The following FBXL13 variants were observed in gnomAD, a reference collection of about 807,000 sequenced individuals.
FBXL13 encodes F-box and leucine-rich repeat protein 13.
FBXL13 carries 67 observed loss-of-function variants against 83.6 expected under a neutral mutation model. That is an observed-to-expected ratio of 0.80 (90% CI 0.66 to 0.98). FBXL13 has a LOEUF of 0.98. FBXL13 is among the 50% of genes least tolerant of loss of function. The pLI is 0.00. For missense variants in FBXL13, 822 were observed against 866.5 expected (o/e 0.95, Z 0.64); for synonymous variants, 272 against 299.5 (o/e 0.91, Z 0.95).
Position 102,838,902 on chromosome 7 carries a change from G to A in FBXL13, c.1720-5928C>T, listed in dbSNP as rs552574617. Among the ~76,000 whole-genome samples the A allele has an allele frequency of 9.9e-5, 15 of 152,250 alleles. No individual in the cohort carries two copies. The East Asian group carries it at 2.3e-3, about 24-fold the overall frequency. ...GGCCTCGTGGGATGGCAAAGACCTC[G>A]TGGGATGGTCCCCCAGCCCGACACC... On this transcript the variant is annotated intron_variant, in intron 17 of 19. Transcript: ENST00000313221.
At chr7:102,905,109 T>C (rs546365441) in intron 11 of FBXL13, among the ~76,000 whole-genome samples, 7 of 151,386 alleles carry the variant, frequency 4.6e-5, no homozygotes, top group Admixed American at 4.0e-4. Context: ...AAGTGTTCTG[T>C]AAATATCTAT....
At chr7:102,923,402 G>C (rs1817473095) in intron 10 of FBXL13, among the ~76,000 whole-genome samples, 1 of 151,962 alleles carries the variant, frequency 6.6e-6, no homozygotes, top group South Asian at 2.1e-4. Context: ...CACACAGTTG[G>C]GAAAAAATGT....
At chr7:103,018,979 C>G (rs1488827767) in intron 6 of FBXL13, among the ~76,000 whole-genome samples, 3 of 151,250 alleles carry the variant, frequency 2.0e-5, no homozygotes, top group Admixed American at 6.6e-5. Context: ...AGACCTAATA[C>G]ACATCTACAG....
chr7:103,064,918 C>T (rs1284241588), intron 1 of FBXL13, among the ~76,000 whole-genome samples: 6 of 152,204 alleles, frequency 3.9e-5, no homozygotes, highest in Non-Finnish European at 7.3e-5. Context: ...TCCCAGCCAA[C>T]AGCCAGCACC....
Position 102,909,542 on chromosome 7 carries a change from A to G in FBXL13, c.1008+3544T>C, listed in dbSNP as rs118029824. The stretch of plus-strand genomic sequence containing the variant: ...CACAGAGGCTCACCCAAGGCCCTCA[A>G]TGTAGTAGCTGGGTATTGCTGCTAG... On this transcript the variant is annotated intron_variant, in intron 11 of 19. Coordinates refer to ENST00000313221, the Ensembl canonical transcript of FBXL13. 8.7e-3 allele frequency among the ~76,000 whole-genome samples: 1,311 copies of G among 151,436 alleles called. 6 individuals carry two copies. Among genetic ancestry groups the G allele is most frequent in the Non-Finnish European group, 0.013 (914 of 67,826 alleles).
exon 1 of FBXL13, chr7:103,074,269 T>C (rs987074540): frequency 9.0e-6 from 9 of 1,005,102 alleles, no homozygotes; most frequent in Non-Finnish European, 1.1e-5. Flanking sequence ...CAGCTCCTTA[T>C]CTTAGGTGAC....
intron 18 of FBXL13, chr7:102,827,237 G>A (rs1799893378): frequency 4.6e-6 from 2 of 432,020 alleles, no homozygotes; most frequent in African/African-American, 2.0e-5. Context: ...TGAAGCAGGA[G>A]GAAGCTGTCC....
In FBXL13 at chr7:103,019,598, G is replaced by C. The variant is rs931396018; in HGVS notation, c.495+5465C>G. ...ATAGCAAGACTCATAAAGAAGAAAAGAGGGAAGAATCAAATAGACACAATA... is the reference window on the plus strand; with the variant it reads ...ATAGCAAGACTCATAAAGAAGAAAACAGGGAAGAATCAAATAGACACAATA... On this transcript the variant is annotated intron_variant, in intron 6 of 19. Transcript: ENST00000313221. 2.0e-5 allele frequency among the ~76,000 whole-genome samples: 3 copies of C among 152,150 alleles called. 1 individual carries two copies. In the South Asian group the frequency reaches 6.2e-4, roughly 32 times the overall value.
chr7:102,966,970 GT>G (rs1354156299), intron 7 of FBXL13, among the ~76,000 whole-genome samples: 1 of 151,372 alleles, frequency 6.6e-6, no homozygotes, highest in Admixed American at 6.6e-5. Flanking sequence ...TCCTGTTTTG[GT>G]TTTTTTGTTT....
intron 6 of FBXL13, among the ~76,000 whole-genome samples, chr7:102,983,328 G>A (rs1341672104): frequency 2.0e-5 from 3 of 151,932 alleles, no homozygotes; most frequent in African/African-American, 2.4e-5. Context: ...AGACTCACCA[G>A]AAGTTAGAGG....
At chr7:102,826,961 T>C (rs1291619055) in intron 18 of FBXL13, 2 of 304,248 alleles carry the variant, frequency 6.6e-6, no homozygotes, top group Non-Finnish European at 7.2e-6. Context: ...TATTTTCATT[T>C]ATTTGTGAGA....
chr7:102,983,060 G>A (rs907557266), intron 6 of FBXL13, among the ~76,000 whole-genome samples: 1 of 151,914 alleles, frequency 6.6e-6, no homozygotes, highest in African/African-American at 2.4e-5. Flanking sequence ...CTTTCTCATG[G>A]GTCACATTTT....
intron 2 of FBXL13, among the ~76,000 whole-genome samples, chr7:103,053,297 C>T (rs937476378): frequency 7.2e-5 from 11 of 151,924 alleles, no homozygotes; most frequent in Non-Finnish European, 1.0e-4. Flanking sequence ...GGATTACAGG[C>T]ACCCGCCACC....
intron 6 of FBXL13, among the ~76,000 whole-genome samples, chr7:102,999,217 T>C (rs1790137233): frequency 6.6e-6 from 1 of 152,202 alleles, no homozygotes; most frequent in Non-Finnish European, 1.5e-5. Context: ...TGAGATGTAT[T>C]ATGTTTATTT....
intron 17 of FBXL13, among the ~76,000 whole-genome samples, chr7:102,842,055 A>G (rs1267887739): frequency 6.6e-6 from 1 of 152,196 alleles, no homozygotes; most frequent in Admixed American, 6.5e-5. Flanking sequence ...AGTTTAGTCA[A>G]TTATTTCCTA....
chr7:103,012,231 C>T (rs918886583), intron 6 of FBXL13, among the ~76,000 whole-genome samples: 3 of 152,016 alleles, frequency 2.0e-5, no homozygotes, highest in Non-Finnish European at 2.9e-5. Flanking sequence ...CAAAATTAGC[C>T]GGGCGTGGTG....
intron 6 of FBXL13, among the ~76,000 whole-genome samples, chr7:103,004,312 A>G (rs1267500486): frequency 1.3e-5 from 2 of 152,152 alleles, no homozygotes; most frequent in Non-Finnish European, 2.9e-5. Context: ...GTTCTCACAA[A>G]CATTCAGAGT....
chr7:102,947,485 G>A (rs764404426), intron 8 of FBXL13, among the ~76,000 whole-genome samples: 1 of 152,182 alleles, frequency 6.6e-6, no homozygotes, highest in Non-Finnish European at 1.5e-5. Context: ...ATCTCTCAGG[G>A]TCAAGACTGA....
chr7:102,881,436 CA>C (rs34979881), intron 14 of FBXL13, among the ~76,000 whole-genome samples: 18,583 of 61,346 alleles, frequency 0.3, 698 homozygotes, highest in African/African-American at 0.36. Flanking sequence ...GACTCCATCT[CA>C]AAAAAAAAAA....
Sources: allele counts gnomAD v4.1 joint callset (sites outside exome capture counted in the v4.1 genomes callset), GRCh38; gene constraint gnomAD v4.1.1; transcripts MANE v1.5; gene names NCBI Gene and HGNC (gene_info 2026-07-23, HGNC 2026-07-21).